The following CHN2 variants were observed in gnomAD, a reference collection of about 807,000 sequenced individuals.
CHN2 encodes beta-chimaerin.
In CHN2, 35 loss-of-function variants were observed where a neutral mutation model predicts 56.3. The observed-to-expected ratio is 0.62, with a 90% CI of 0.47 to 0.82. The LOEUF (loss-of-function observed/expected upper bound fraction) is 0.82, where lower values mean the gene tolerates loss of function less well. Among genes scored for constraint, CHN2 ranks in the 40% least tolerant of loss-of-function variants. The pLI is 0.00. For missense variants in CHN2, 491 were observed against 580.5 expected, an observed-to-expected ratio of 0.85 and a Z score of 1.58; for synonymous variants, 210 against 212.8, an observed-to-expected ratio of 0.99 and a Z score of 0.12.
At chr7:29,499,785 T>G (rs1015195466) in intron 8 of CHN2, 82 bp from the exon 9 acceptor site, 4 of 1,331,738 alleles carry the variant, frequency 3.0e-6, no homozygotes, top group South Asian at 1.6e-5. Flanking sequence ...GGTGGTGATA[T>G]TTTTATTTTT....
intron 6 of CHN2, among the ~76,000 whole-genome samples, chr7:29,456,252 C>G (rs1784743337): frequency 6.6e-6 from 1 of 152,198 alleles, no homozygotes; most frequent in South Asian, 2.1e-4. Flanking sequence ...ACACTTTGAA[C>G]CTGCCTTTAC....
intron 1 of CHN2, among the ~76,000 whole-genome samples, chr7:29,232,306 T>G (rs192780980): frequency 6.6e-6 from 1 of 152,170 alleles, no homozygotes; most frequent in East Asian, 1.9e-4. Context: ...CTTTCAAAGC[T>G]ATTTTAAAAA....
At position 29,514,015 on chromosome 7, in the gene CHN2, T is replaced by C. The variant is rs1485350958; in HGVS notation, c.*1280T>C. ...TTTGATTGAGATGATTTGTGTAAACTCACCAGTCTTGCTTTGGAGTGAGCA... is the reference window on the plus strand; with the variant it reads ...TTTGATTGAGATGATTTGTGTAAACCCACCAGTCTTGCTTTGGAGTGAGCA... On this transcript the variant is annotated 3_prime_UTR_variant, in exon 13 of 13. Coordinates refer to ENST00000222792, the MANE Select transcript of CHN2 (RefSeq NM_004067.4). 6.6e-6 allele frequency: 1 copy of C among 152,654 alleles called. No homozygotes were observed. Among genetic ancestry groups the C allele is most frequent in the Non-Finnish European group, 1.5e-5 (1 of 68,042 alleles). The allele number at this position is 152,654 out of a possible 1,614,324, so 9.5% of individuals were successfully genotyped here.
chr7:29,473,470 G>GGTTTT (rs1554298944), intron 6 of CHN2, among the ~76,000 whole-genome samples: 2 of 93,512 alleles, frequency 2.1e-5, no homozygotes, highest in Non-Finnish European at 4.1e-5. Flanking sequence ...GTGTGTTTGT[G>GGTTTT]TTTTTTTTTT....
At chr7:29,409,851 C>T (rs1328361637) in intron 6 of CHN2, among the ~76,000 whole-genome samples, 1 of 152,192 alleles carries the variant, frequency 6.6e-6, no homozygotes, top group African/African-American at 2.4e-5. Context: ...TATATTTTGA[C>T]ATCTCCAGAG....
chr7:29,181,290 A>G (rs1798027940), intron 2 of CHN2: 1 of 152,212 alleles, frequency 6.6e-6, no homozygotes, highest in Non-Finnish European at 1.5e-5. Flanking sequence ...CGTTACTCAC[A>G]TTGTAGTTTG....
In CHN2 at chr7:29,309,118, G is replaced by A. The variant is rs118174733; in HGVS notation, c.50-45507G>A. 6.0e-4 allele frequency among the ~76,000 whole-genome samples: 91 copies of A among 152,276 alleles called. 1 individual carries two copies. The East Asian group carries it at 0.017, about 28-fold the overall frequency. The stretch of plus-strand genomic sequence containing the variant: ...GGTATCCACTATTATAGCAAGGACA[G>A]AATAAATAGGTCATAGTCTTTTACA... On this transcript the variant is annotated intron_variant, in intron 1 of 12. Coordinates refer to ENST00000222792, the MANE Select transcript of CHN2 (RefSeq NM_004067.4).
At chr7:29,342,517 C>G (rs550778918) in intron 1 of CHN2, among the ~76,000 whole-genome samples, 167 of 152,244 alleles carry the variant, frequency 1.1e-3, no homozygotes, top group Non-Finnish European at 1.7e-3. Flanking sequence ...ATTGCCACAA[C>G]CATCATATAT....
At chr7:29,409,549 A>T (rs1585298009) in intron 6 of CHN2, among the ~76,000 whole-genome samples, 1 of 152,134 alleles carries the variant, frequency 6.6e-6, no homozygotes, top group South Asian at 2.1e-4. Flanking sequence ...TCAACCTGGG[A>T]TATATTGTTT....
intron 7 of CHN2, among the ~76,000 whole-genome samples, chr7:29,495,210 A>T (rs1390599609): frequency 6.6e-6 from 1 of 152,176 alleles, no homozygotes; most frequent in African/African-American, 2.4e-5. Flanking sequence ...TCATAATTTA[A>T]TACAGGAGGA....
At chr7:29,338,613 C>A (rs1429406411) in intron 1 of CHN2, among the ~76,000 whole-genome samples, 2 of 152,082 alleles carry the variant, frequency 1.3e-5, no homozygotes, top group African/African-American at 4.8e-5. Context: ...GAGTCTTGCT[C>A]TGTTACCCAG....
chr7:29,377,125 T>C (rs2128052746), intron 3 of CHN2, among the ~76,000 whole-genome samples: 1 of 152,278 alleles, frequency 6.6e-6, no homozygotes, highest in Non-Finnish European at 1.5e-5. Flanking sequence ...CCTCCCAGTT[T>C]CAAGCCCCCT....
At position 29,361,775 on chromosome 7, in the gene CHN2, A is replaced by G. The variant is rs1798752700; in HGVS notation, c.89-6157A>G. On this transcript the variant is annotated intron_variant, in intron 2 of 12. Coordinates refer to ENST00000222792, the MANE Select transcript of CHN2 (RefSeq NM_004067.4). ...CACCTGCATCCTTTATTTGTATAGTAGCATCTCAATCTCTCAGCCGCTCAG... is the reference window on the plus strand; with the variant it reads ...CACCTGCATCCTTTATTTGTATAGTGGCATCTCAATCTCTCAGCCGCTCAG... Among the ~76,000 whole-genome samples, 4 of 152,344 alleles carry G rather than the reference A, an allele frequency of 2.6e-5. No homozygotes were observed. In the South Asian group the frequency reaches 8.3e-4, roughly 32 times the overall value.
At chr7:29,437,907 C>G (rs1783359628) in intron 6 of CHN2, among the ~76,000 whole-genome samples, 1 of 152,100 alleles carries the variant, frequency 6.6e-6, no homozygotes, top group Non-Finnish European at 1.5e-5. Context: ...GTGTCAAGGT[C>G]AGTAAGAATG....
intron 6 of CHN2, among the ~76,000 whole-genome samples, chr7:29,459,817 T>C (rs1275579209): frequency 6.6e-6 from 1 of 152,006 alleles, no homozygotes; most frequent in Admixed American, 6.5e-5. Context: ...CCACAAGTGG[T>C]AGAAGAAGCC....
At chr7:29,377,978 A>G (rs1046576297) in intron 3 of CHN2, among the ~76,000 whole-genome samples, 1 of 152,322 alleles carries the variant, frequency 6.6e-6, no homozygotes, top group African/African-American at 2.4e-5. Flanking sequence ...CTAGGTAATT[A>G]CACATCGATT....
intron 7 of CHN2, among the ~76,000 whole-genome samples, chr7:29,482,383 G>A (rs867556215): frequency 6.6e-6 from 1 of 152,212 alleles, no homozygotes; most frequent in East Asian, 1.9e-4. Context: ...CATCCCCTTT[G>A]TCCTTCCTTG....
chr7:29,488,195 C>T (rs1336416382), intron 7 of CHN2, among the ~76,000 whole-genome samples: 1 of 152,214 alleles, frequency 6.6e-6, no homozygotes. Flanking sequence ...TAGATTGATT[C>T]ACCTCTGCTG....
At chr7:29,148,396 G>A (rs964031752) in intron 2 of CHN2, 2 of 152,130 alleles carry the variant, frequency 1.3e-5, no homozygotes, top group African/African-American at 4.8e-5. Context: ...GTAACCTCAA[G>A]GCTATAAATG....
Sources: gnomAD v4.1 joint callset for allele counts (sites outside exome capture counted in the v4.1 genomes callset) on GRCh38, gnomAD v4.1.1 for gene constraint, MANE v1.5 for transcripts, NCBI Gene and HGNC (gene_info 2026-07-23, HGNC 2026-07-21) for gene names.